CTNNA2: variants seen among roughly 807,000 people sequenced by gnomAD.
The protein encoded by CTNNA2 is catenin alpha 2.
Under a neutral mutation model 101.0 loss-of-function variants are expected in CTNNA2, and 42 were observed. The observed-to-expected ratio is 0.42, with a 90% CI of 0.32 to 0.54. CTNNA2 has a LOEUF of 0.54. Ranked by LOEUF, CTNNA2 falls within the 20% of genes least tolerant of loss-of-function variation. The pLI is 0.14. For synonymous variants in CTNNA2, 450 were observed against 456.4 expected (o/e 0.99, Z 0.18); for missense variants, 871 against 1,223.1 (o/e 0.71, Z 4.29).
chr2:80,006,634 G>A (rs574780180), intron 7 of CTNNA2, among the ~76,000 whole-genome samples: 3 of 152,216 alleles, frequency 2.0e-5, no homozygotes, highest in Admixed American at 6.5e-5. Context: ...TTTCCACTGC[G>A]CTAGGTATCT....
chr2:80,382,727 C>G (rs1470220931), intron 7 of CTNNA2, among the ~76,000 whole-genome samples: 1 of 152,180 alleles, frequency 6.6e-6, no homozygotes, highest in African/African-American at 2.4e-5. Context: ...TGAATGTTTT[C>G]TGATTTCTGT....
Position 80,192,353 on chromosome 2 carries a change from C to T in CTNNA2, c.1057-200858C>T, listed in dbSNP as rs573636826. On this transcript the variant is annotated intron_variant, in intron 7 of 18. Coordinates refer to ENST00000402739, the MANE Select transcript of CTNNA2 (RefSeq NM_001282597.3). ...CCTTACCTTAGCCAAAACCACCATACGATTGTCTGTAAAGAAGACTCTATT... is the reference window on the plus strand; with the variant it reads ...CCTTACCTTAGCCAAAACCACCATATGATTGTCTGTAAAGAAGACTCTATT... Among the ~76,000 whole-genome samples the T allele has an allele frequency of 2.1e-4, 32 of 152,256 alleles. No homozygotes were observed. The South Asian group carries it at 2.3e-3, about 11-fold the overall frequency.
At chr2:79,458,896 T>C (rs1042593373) in intron 4 of CTNNA2, among the ~76,000 whole-genome samples, 6 of 152,028 alleles carry the variant, frequency 3.9e-5, no homozygotes, top group Non-Finnish European at 8.8e-5. Context: ...CCCCTGCCAT[T>C]TCTAAAAAAT....
At position 80,304,860 on chromosome 2, in the gene CTNNA2, G is replaced by GT. The variant is rs202056088; in HGVS notation, c.1057-88345dup. On this transcript the variant is annotated intron_variant, in intron 7 of 18. Coordinates refer to ENST00000402739, the MANE Select transcript of CTNNA2 (RefSeq NM_001282597.3). Reference sequence around the variant, plus strand: ...TTACCGAACCACTAAAGTAATATATGTTTTTTGATGAAACGGAAAACACTT... The same window carrying GT: ...TTACCGAACCACTAAAGTAATATATGTTTTTTTGATGAAACGGAAAACACTT... The GT allele has an allele frequency of 6.9e-3, 944 of 136,308 alleles. 4 individuals carry two copies. Among genetic ancestry groups the GT allele is most frequent in the Admixed American group, 0.021 (210 of 9,814 alleles). 8.4% of individuals were successfully genotyped at this position (136,308 alleles called of 1,614,324 possible). A position where few individuals can be genotyped will look rare whatever the true frequency, so the allele number is the denominator to read the frequency against.
intron 7 of CTNNA2, among the ~76,000 whole-genome samples, chr2:79,914,748 C>A (rs1215174065): frequency 1.3e-5 from 2 of 151,448 alleles, no homozygotes; most frequent in Non-Finnish European, 2.9e-5. Flanking sequence ...AAAATAATTA[C>A]AATTGTATAT....
intron 7 of CTNNA2, among the ~76,000 whole-genome samples, chr2:79,912,436 A>G (rs1004749395): frequency 3.3e-5 from 5 of 152,246 alleles, no homozygotes; most frequent in African/African-American, 1.2e-4. Context: ...ATATTTCCAC[A>G]AATGTGTATT....
chr2:80,139,786 C>G (rs1439742818), intron 7 of CTNNA2, among the ~76,000 whole-genome samples: 1 of 152,158 alleles, frequency 6.6e-6, no homozygotes, highest in Non-Finnish European at 1.5e-5. Context: ...CTGGTCTTGT[C>G]ATATCACATC....
chr2:79,878,465 C>G (rs1683186518), intron 6 of CTNNA2, among the ~76,000 whole-genome samples: 1 of 152,162 alleles, frequency 6.6e-6, no homozygotes, highest in African/African-American at 2.4e-5. Context: ...TCTCCACAGC[C>G]TTGCTAGCAC....
chr2:80,615,707 A>G (rs535881952), intron 17 of CTNNA2, among the ~76,000 whole-genome samples: 1 of 151,778 alleles, frequency 6.6e-6, no homozygotes, highest in South Asian at 2.1e-4. Context: ...CTGTCCCTGC[A>G]GATTATTTTG....
chr2:79,432,008 G>T (rs1004232259), intron 4 of CTNNA2, among the ~76,000 whole-genome samples: 1 of 152,284 alleles, frequency 6.6e-6, no homozygotes, highest in African/African-American at 2.4e-5. Flanking sequence ...CTACTGGAAA[G>T]ATATTATAGG....
At chr2:79,812,672 T>C (rs1266191929) in intron 3 of CTNNA2, among the ~76,000 whole-genome samples, 1 of 152,180 alleles carries the variant, frequency 6.6e-6, no homozygotes, top group East Asian at 1.9e-4. Flanking sequence ...CTTACATTTA[T>C]CTGAATATAT....
intron 1 of CTNNA2, among the ~76,000 whole-genome samples, chr2:79,604,042 A>T (rs774112236): frequency 1.1e-4 from 16 of 152,170 alleles, no homozygotes; most frequent in Non-Finnish European, 2.2e-4. Flanking sequence ...TGATCCTAAG[A>T]TTCTTTTCCT....
chr2:80,611,602 C>G (rs1433523529), intron 17 of CTNNA2, among the ~76,000 whole-genome samples: 1 of 151,328 alleles, frequency 6.6e-6, no homozygotes, highest in Non-Finnish European at 1.5e-5. Context: ...TTAATCAGCA[C>G]CTTTAAAGTT....
At chr2:80,168,184 C>T (rs1344548327) in intron 7 of CTNNA2, among the ~76,000 whole-genome samples, 1 of 152,076 alleles carries the variant, frequency 6.6e-6, no homozygotes, top group Non-Finnish European at 1.5e-5. Flanking sequence ...TATTTGTTCT[C>T]TGCACTCCCT....
intron 1 of CTNNA2, among the ~76,000 whole-genome samples, chr2:79,630,942 A>G (rs940884770): frequency 3.3e-5 from 5 of 150,196 alleles, no homozygotes. Flanking sequence ...TCTATAGTAT[A>G]TTTAGATAAC....
chr2:80,574,814 A>G (rs1399497426), intron 13 of CTNNA2, among the ~76,000 whole-genome samples: 1 of 152,152 alleles, frequency 6.6e-6, no homozygotes, highest in African/African-American at 2.4e-5. Context: ...CAAACCTCTT[A>G]TTACCCACTC....
rs542171716 is a variant in CTNNA2 at position 80,249,445 on chromosome 2, T to C, written c.1057-143766T>C. ...GAATGAATCAAAGACACTGGCATAC[T>C]GTTTACCAAGCTGTTAATAGTGTAA... On this transcript the variant is annotated intron_variant, in intron 7 of 18. Transcript: ENST00000402739. Among the ~76,000 whole-genome samples the C allele has an allele frequency of 7.9e-5, 12 of 152,352 alleles. No individual in the cohort carries two copies. In the South Asian group the frequency reaches 8.3e-4, roughly 11 times the overall value.
At chr2:80,015,511 C>A (rs1452723415) in intron 7 of CTNNA2, among the ~76,000 whole-genome samples, 1 of 152,006 alleles carries the variant, frequency 6.6e-6, no homozygotes. Flanking sequence ...CTCCATTATC[C>A]ATAGTTGAGG....
chr2:79,345,188 C>T (rs1207230279), intron 3 of CTNNA2, among the ~76,000 whole-genome samples: 1 of 151,240 alleles, frequency 6.6e-6, no homozygotes, highest in Non-Finnish European at 1.5e-5. Context: ...GAAATAAAAT[C>T]TCCTCACATT....
Sources: gnomAD v4.1 joint callset for allele counts (sites outside exome capture counted in the v4.1 genomes callset) on GRCh38, gnomAD v4.1.1 for gene constraint, MANE v1.5 for transcripts, NCBI Gene and HGNC (gene_info 2026-07-23, HGNC 2026-07-21) for gene names.